STON2: variants seen among roughly 807,000 people sequenced by gnomAD.
The protein encoded by STON2 is stonin 2.
In STON2, 29 loss-of-function variants were observed where a neutral mutation model predicts 65.7. That is an observed-to-expected ratio of 0.44 (90% CI 0.33 to 0.60). The LOEUF is 0.60. Ranked by LOEUF, STON2 falls within the 20% of genes least tolerant of loss-of-function variation. STON2 has a pLI of 0.03. For missense variants in STON2, 1,054 were observed against 1,118.1 expected (o/e 0.94, Z 0.82); for synonymous variants, 404 against 414.2 (o/e 0.98, Z 0.30).
chr14:81,332,935 A>G (rs946753870), intron 4 of STON2: 1 of 344,862 alleles, frequency 2.9e-6, no homozygotes, highest in Non-Finnish European at 5.4e-6. Flanking sequence ...CTGTGATCCA[A>G]TCTCCACAGC....
rs1054394116 is a variant in STON2 at position 81,260,728 on chromosome 14, CAAA to C, written c.*7683_*7685del. The C allele has an allele frequency of 3.3e-5, 5 of 151,556 alleles. No individual in the cohort carries two copies. The highest frequency in any genetic ancestry group is 7.4e-5 in the Non-Finnish European group (5 of 67,946). 9.4% of individuals were successfully genotyped at this position (151,556 alleles called of 1,614,324 possible). ...ATATAATCAGTAGAACAACTAAAAA[CAAA>C]ACCTCACCTCTACAGAGATAGCCAG... On this transcript the variant is annotated 3_prime_UTR_variant, in exon 8 of 8. Transcript: ENST00000614646.
At chr14:81,426,421 T>TA (rs1400373030) in intron 2 of STON2, among the ~76,000 whole-genome samples, 1 of 152,116 alleles carries the variant, frequency 6.6e-6, no homozygotes, top group Admixed American at 6.5e-5. Flanking sequence ...CTCCAGCTGT[T>TA]AAATACCTTC....
chr14:81,287,285 CGTACTAAT>C (rs1367250459), intron 5 of STON2, among the ~76,000 whole-genome samples: 1 of 152,128 alleles, frequency 6.6e-6, no homozygotes, highest in Non-Finnish European at 1.5e-5. Context: ...ACAAATGATA[CGTACTAAT>C]GATAAAGAGG....
chr14:81,419,220 A>T (rs112593008), intron 2 of STON2, among the ~76,000 whole-genome samples: 5,978 of 152,252 alleles, frequency 0.039, 153 homozygotes, highest in South Asian at 0.075. Flanking sequence ...ATCTTGTCCC[A>T]TCTTTACAAC....
At chr14:81,276,660 G>T (rs918167256) in intron 6 of STON2, among the ~76,000 whole-genome samples, 6 of 152,340 alleles carry the variant, frequency 3.9e-5, no homozygotes, top group Non-Finnish European at 5.9e-5. Flanking sequence ...CAGCTGAGAA[G>T]AATAATCCCT....
intron 2 of STON2, among the ~76,000 whole-genome samples, chr14:81,417,710 G>T (rs1343701174): frequency 6.6e-6 from 1 of 152,188 alleles, no homozygotes; most frequent in African/African-American, 2.4e-5. Flanking sequence ...AGATTTTAGA[G>T]TCATCCAAGA....
intron 4 of STON2, among the ~76,000 whole-genome samples, chr14:81,346,307 A>G (rs894949016): frequency 3.3e-5 from 5 of 152,166 alleles, no homozygotes; most frequent in African/African-American, 1.2e-4. Flanking sequence ...TGTAATGTAA[A>G]GAAGAATGTC....
chr14:81,432,948 T>C (rs1902276705), intron 1 of STON2, among the ~76,000 whole-genome samples: 1 of 152,206 alleles, frequency 6.6e-6, no homozygotes, highest in South Asian at 2.1e-4. Flanking sequence ...TTAGTGGTTT[T>C]CAAAGGGTGG....
chr14:81,332,391 G>C (rs1435343587), intron 4 of STON2, among the ~76,000 whole-genome samples: 2 of 152,086 alleles, frequency 1.3e-5, no homozygotes, highest in Non-Finnish European at 2.9e-5. Context: ...CATAAAGCAA[G>C]GATTACCTTT....
At chr14:81,289,015 C>T (rs1366508748) in intron 5 of STON2, among the ~76,000 whole-genome samples, 1 of 152,120 alleles carries the variant, frequency 6.6e-6, no homozygotes, top group African/African-American at 2.4e-5. Context: ...ACAGAAGTCT[C>T]ACTCATGTGC....
intron 2 of STON2, among the ~76,000 whole-genome samples, chr14:81,412,244 G>A (rs1595458894): frequency 7.2e-6 from 1 of 139,806 alleles, no homozygotes; most frequent in Non-Finnish European, 1.5e-5. Flanking sequence ...GCAAAGAAGA[G>A]AATGGAAAGG....
At chr14:81,285,819 T>C (rs1314899348) in intron 5 of STON2, among the ~76,000 whole-genome samples, 2 of 151,950 alleles carry the variant, frequency 1.3e-5, no homozygotes, top group African/African-American at 2.4e-5. Context: ...AATATGCCCA[T>C]GTAACAAACC....
At chr14:81,387,642 AT>A (rs1899877638) in intron 3 of STON2, among the ~76,000 whole-genome samples, 1 of 151,950 alleles carries the variant, frequency 6.6e-6, no homozygotes, top group Non-Finnish European at 1.5e-5. Context: ...TAATCCCAGC[AT>A]TTTGGGAGGC....
chr14:81,383,984 G>A (rs147081521), intron 3 of STON2, among the ~76,000 whole-genome samples: 12 of 151,970 alleles, frequency 7.9e-5, no homozygotes, highest in African/African-American at 2.2e-4. Flanking sequence ...ACTCTACTCC[G>A]GTCACACACC....
intron 3 of STON2, among the ~76,000 whole-genome samples, chr14:81,381,083 G>GT (rs1899491392): frequency 6.6e-6 from 1 of 152,066 alleles, no homozygotes; most frequent in Non-Finnish European, 1.5e-5. Flanking sequence ...ATATTTATAA[G>GT]TATTCATGTT....
intron 3 of STON2, among the ~76,000 whole-genome samples, chr14:81,377,843 A>AT (rs1223382142): frequency 6.8e-6 from 1 of 147,806 alleles, no homozygotes; most frequent in Non-Finnish European, 1.5e-5. Flanking sequence ...TCTTTAGCTC[A>AT]TTTTTTTGTT....
At chr14:81,360,902 GAAC>G (rs1213941372) in intron 4 of STON2, among the ~76,000 whole-genome samples, 29 of 151,992 alleles carry the variant, frequency 1.9e-4, no homozygotes, top group African/African-American at 6.3e-4. Flanking sequence ...GAAATCAAGA[GAAC>G]AATTCCATTT....
chr14:81,278,073 T>G lies in STON2; in HGVS notation c.1409A>C (p.Asp470Ala). ...CCGTGCTGATCCAGGCGGGTGAGCA[T>G]CTAGTTCAATCCAGGCTACTGGGTC... ...DDDPVAWIELDAHPPGSARSQ... is the reference protein window; with the variant it reads ...DDDPVAWIELAAHPPGSARSQ... Residue 470 changes from aspartate to alanine, a missense_variant, in exon 6 of 8, where the codon GAT (aspartate) becomes GCT (alanine). Asp to Ala is a moderately radical substitution (Grantham distance 126). Transcript: ENST00000614646. The G allele has an allele frequency of 6.2e-7, 1 of 1,614,158 alleles. No individual in the cohort carries two copies. The highest frequency in any genetic ancestry group is 2.2e-5 in the East Asian group (1 of 44,866).
At chr14:81,386,909 C>A (rs1275318311) in intron 3 of STON2, among the ~76,000 whole-genome samples, 1 of 152,128 alleles carries the variant, frequency 6.6e-6, no homozygotes, top group Non-Finnish European at 1.5e-5. Context: ...TCAGCCTTGG[C>A]TTTGAGAGAA....
Sources: allele counts gnomAD v4.1 joint callset (sites outside exome capture counted in the v4.1 genomes callset), GRCh38; gene constraint gnomAD v4.1.1; transcripts MANE v1.5; gene names NCBI Gene and HGNC (gene_info 2026-07-23, HGNC 2026-07-21).